The following ARHGEF3 variants were observed in gnomAD, a reference collection of about 807,000 sequenced individuals.
ARHGEF3 encodes Rho guanine nucleotide exchange factor 3, also known as 59.8 kDA protein.
A neutral mutation model predicts 63.2 loss-of-function variants in ARHGEF3; 28 were observed. The observed-to-expected ratio is 0.44, with a 90% CI of 0.33 to 0.61. The LOEUF (loss-of-function observed/expected upper bound fraction) is 0.61. ARHGEF3 is among the 20% of genes least tolerant of loss of function. ARHGEF3 has a pLI of 0.03. For synonymous variants in ARHGEF3, 266 were observed against 254.2 expected, an observed-to-expected ratio of 1.05 and a Z score of -0.44; for missense variants, 533 against 659.3, an observed-to-expected ratio of 0.81 and a Z score of 2.10.
Position 56,888,902 on chromosome 3 carries a change from T to A in ARHGEF3, c.130-6548A>T, listed in dbSNP as rs887722037. On this transcript the variant is annotated intron_variant, in intron 3 of 12. Coordinates refer to the ARHGEF3 transcript ENST00000338458. Reference sequence around the variant, plus strand: ...TGGGCAATAAGAACGAAACTCCATCTCAAAAAAAAACAAAAACAAAAACAA... The same window carrying A: ...TGGGCAATAAGAACGAAACTCCATCACAAAAAAAAACAAAAACAAAAACAA... 4.4e-5 allele frequency among the ~76,000 whole-genome samples: 6 copies of A among 136,866 alleles called. 1 individual carries two copies. Among genetic ancestry groups the A allele is most frequent in the East Asian group, 4.1e-4 (2 of 4,872 alleles). The allele number at this position is 136,866 out of a possible 152,430, so 89.8% of individuals were successfully genotyped here.
In ARHGEF3 at chr3:56,729,435, G is replaced by A. The variant is rs748002622; in HGVS notation, c.1416C>T (p.Thr472=). ...TTTCTCCCTGTAGCTCTCTGCTCCCGGTGGTGGGATTTAGGAACGATCCCT... is the reference window on the plus strand; with the variant it reads ...TTTCTCCCTGTAGCTCTCTGCTCCCAGTGGTGGGATTTAGGAACGATCCCT... ...DSEGSFLNPT[T]GSRELQGETK... is the part of the protein sequence containing the mutation. The change falls in exon 10 of 10, where the codon ACC becomes ACT. Residue 472 remains threonine, a synonymous_variant. Coordinates refer to ENST00000296315, the MANE Select transcript of ARHGEF3 (RefSeq NM_019555.3). The A allele has an allele frequency of 3.3e-5, 54 of 1,614,094 alleles. 1 individual carries two copies. The highest frequency in any genetic ancestry group is 2.9e-4 in the East Asian group (13 of 44,884).
chr3:56,940,065 GA>G (rs1699100080), intron 3 of ARHGEF3: 1 of 152,184 alleles, frequency 6.6e-6, no homozygotes, highest in Admixed American at 6.5e-5. Flanking sequence ...TCTCTCTGTA[GA>G]TGGCTGTGTT....
At chr3:57,002,424 C>CTAGA (rs369600673) in intron 2 of ARHGEF3, among the ~76,000 whole-genome samples, 1 of 62,774 alleles carries the variant, frequency 1.6e-5, no homozygotes, top group Non-Finnish European at 3.5e-5. Flanking sequence ...GTTCTAAGCA[C>CTAGA]TATATATATA....
chr3:56,730,693 TAAC>T (rs927590367), intron 9 of ARHGEF3, among the ~76,000 whole-genome samples: 45 of 152,298 alleles, frequency 3.0e-4, no homozygotes, highest in African/African-American at 1.0e-3. Context: ...TTTAATCTAA[TAAC>T]AACAATATAA....
At chr3:56,763,968 G>A (rs1003364614) in intron 2 of ARHGEF3, among the ~76,000 whole-genome samples, 10 of 151,988 alleles carry the variant, frequency 6.6e-5, no homozygotes, top group Non-Finnish European at 1.2e-4. Context: ...GTCAGTTGAC[G>A]AACATGAAAG....
chr3:56,942,307 C>G (rs763362335), intron 3 of ARHGEF3, among the ~76,000 whole-genome samples: 1 of 152,218 alleles, frequency 6.6e-6, no homozygotes, highest in Non-Finnish European at 1.5e-5. Context: ...CAATTTGCAT[C>G]TCTGCATCAC....
intron 3 of ARHGEF3, among the ~76,000 whole-genome samples, chr3:56,911,968 CA>C (rs908471412): frequency 2.0e-5 from 3 of 150,354 alleles, no homozygotes; most frequent in African/African-American, 7.3e-5. Context: ...TATACACACA[CA>C]TATATATATA....
chr3:56,844,392 G>C (rs1468763251), intron 4 of ARHGEF3, among the ~76,000 whole-genome samples: 1 of 152,102 alleles, frequency 6.6e-6, no homozygotes, highest in Non-Finnish European at 1.5e-5. Flanking sequence ...GCTTGAAATT[G>C]CTACCTGAAA....
At chr3:57,017,005 G>GTCTCTCTCTCTCTCTCTCTCTC (rs370663400) in intron 2 of ARHGEF3, among the ~76,000 whole-genome samples, 9 of 129,050 alleles carry the variant, frequency 7.0e-5, no homozygotes, top group African/African-American at 3.0e-4. Context: ...CTTTCTCTCT[G>GTCTCTCTCTCTCTCTCTCTCTC]TCTCTCTCTC....
chr3:56,731,958 T>C (rs2033194175), intron 9 of ARHGEF3: 1 of 580,328 alleles, frequency 1.7e-6, no homozygotes, highest in East Asian at 2.8e-5. Context: ...GAAAGGGAAC[T>C]TAAGGAGCAC....
intron 1 of ARHGEF3, among the ~76,000 whole-genome samples, chr3:57,075,895 T>C (rs774376201): frequency 1.8e-4 from 27 of 152,284 alleles, no homozygotes; most frequent in Non-Finnish European, 4.0e-4. Context: ...AAAGCAAAGC[T>C]TGTCACCAAA....
Position 56,908,925 on chromosome 3 carries a change from T to G in ARHGEF3, c.130-26571A>C, listed in dbSNP as rs534048171. On this transcript the variant is annotated intron_variant, in intron 3 of 12. Coordinates refer to the ARHGEF3 transcript ENST00000338458. Reference sequence around the variant, plus strand: ...CATGCACATGTATGTTCTATCTCATTCAGTTCAAAAATTCCCTGACGCTAT... The same window carrying G: ...CATGCACATGTATGTTCTATCTCATGCAGTTCAAAAATTCCCTGACGCTAT... 5.9e-5 allele frequency among the ~76,000 whole-genome samples: 9 copies of G among 152,302 alleles called. No homozygotes were observed. In the South Asian group the frequency reaches 1.9e-3, roughly 32 times the overall value.
chr3:57,050,149 T>C (rs1704612862), intron 1 of ARHGEF3, among the ~76,000 whole-genome samples: 1 of 152,174 alleles, frequency 6.6e-6, no homozygotes, highest in South Asian at 2.1e-4. Context: ...TTCCACTCCC[T>C]TCTCTCAGCC....
At chr3:57,074,312 C>T in intron 1 of ARHGEF3, 1 of 1,556,484 alleles carries the variant, frequency 6.4e-7, no homozygotes, top group Non-Finnish European at 8.8e-7. Flanking sequence ...AGCTGTTTGT[C>T]TGGGCCTTTG....
At chr3:56,804,981 T>C (rs1031045534), upstream of ARHGEF3, among the ~76,000 whole-genome samples, 4 of 152,190 alleles carry the variant, frequency 2.6e-5, no homozygotes, top group African/African-American at 9.6e-5. Context: ...TGCCTGCTCT[T>C]CTGGCCCTCA....
At chr3:56,808,767 C>A (rs1250546197) in intron 4 of ARHGEF3, among the ~76,000 whole-genome samples, 1 of 152,130 alleles carries the variant, frequency 6.6e-6, no homozygotes, top group Non-Finnish European at 1.5e-5. Context: ...TACCTCCCAG[C>A]AGATATTTGG....
intron 1 of ARHGEF3, among the ~76,000 whole-genome samples, chr3:57,042,700 A>ATATAT (rs1704272727): frequency 1.5e-5 from 1 of 66,120 alleles, no homozygotes; most frequent in African/African-American, 5.0e-5. Flanking sequence ...ATATATATAT[A>ATATAT]TTTTTTTTTT....
chr3:57,010,719 G>A (rs1702663268), intron 2 of ARHGEF3, among the ~76,000 whole-genome samples: 1 of 152,126 alleles, frequency 6.6e-6, no homozygotes, highest in Non-Finnish European at 1.5e-5. Flanking sequence ...TGACTCCCAA[G>A]GAGCCCACCA....
chr3:56,977,948 C>T (rs1701185170), intron 2 of ARHGEF3, among the ~76,000 whole-genome samples: 1 of 152,144 alleles, frequency 6.6e-6, no homozygotes, highest in Admixed American at 6.5e-5. Context: ...AGCCCCTCAG[C>T]CTCCCGTCAC....
Sources: gnomAD v4.1 joint callset for allele counts (sites outside exome capture counted in the v4.1 genomes callset) on GRCh38, gnomAD v4.1.1 for gene constraint, MANE v1.5 for transcripts, NCBI Gene and HGNC (gene_info 2026-07-23, HGNC 2026-07-21) for gene names.